The following CDH11 variants were observed in gnomAD, a reference collection of about 807,000 sequenced individuals.
The protein encoded by CDH11 is cadherin-11.
CDH11 carries 11 observed loss-of-function variants against 67.8 expected under a neutral mutation model. The ratio of observed to expected loss-of-function variants is 0.16; its 90% CI spans 0.10 to 0.27. The LOEUF is 0.27. Among genes scored for constraint, CDH11 ranks in the 10% least tolerant of loss-of-function variants. The probability of loss-of-function intolerance (pLI) is 1.00; values close to 1 mark genes in which losing one functional copy is unlikely to be tolerated. For missense variants in CDH11, 847 were observed against 1,031.2 expected, an observed-to-expected ratio of 0.82 and a Z score of 2.45; for synonymous variants, 419 against 400.0, an observed-to-expected ratio of 1.05 and a Z score of -0.57.
At chr16:65,029,126 G>A (rs1222010961) in intron 2 of CDH11, among the ~76,000 whole-genome samples, 1 of 151,868 alleles carries the variant, frequency 6.6e-6, no homozygotes, top group African/African-American at 2.4e-5. Flanking sequence ...TTTTTAAGAA[G>A]AAAAACACTT....
intron 11 of CDH11, among the ~76,000 whole-genome samples, chr16:64,959,547 G>T (rs1225643832): frequency 1.3e-5 from 2 of 152,084 alleles, no homozygotes; most frequent in Non-Finnish European, 2.9e-5. Flanking sequence ...TTATTTTTTT[G>T]TTGTTGTTGG....
At chr16:64,972,152 G>T (rs2072024613) in intron 9 of CDH11, 88 bp from the exon 10 acceptor site, 2 of 1,187,792 alleles carry the variant, frequency 1.7e-6, no homozygotes, top group Admixed American at 3.6e-5. Flanking sequence ...GTAAGCTCCA[G>T]CCACCTATCT....
At chr16:65,045,360 T>TC in intron 2 of CDH11, among the ~76,000 whole-genome samples, 1 of 126,666 alleles carries the variant, frequency 7.9e-6, no homozygotes, top group South Asian at 2.5e-4. Context: ...TATATATATA[T>TC]ATATATATAT....
At chr16:65,048,087 C>T (rs762264239) in intron 2 of CDH11, among the ~76,000 whole-genome samples, 1 of 152,186 alleles carries the variant, frequency 6.6e-6, no homozygotes, top group African/African-American at 2.4e-5. Context: ...TCCCCAGCAC[C>T]TAGTCCAAAG....
chr16:65,122,223 A>C, upstream of CDH11: 1 of 506,288 alleles, frequency 2.0e-6, no homozygotes. Flanking sequence ...AGGCAGCGAG[A>C]TGGGCCTCGC....
At chr16:64,969,541 A>G (rs759920236) in intron 11 of CDH11, among the ~76,000 whole-genome samples, 1 of 152,228 alleles carries the variant, frequency 6.6e-6, no homozygotes, top group Non-Finnish European at 1.5e-5. Flanking sequence ...TATTGTTAAA[A>G]CTAAATCCAT....
intron 1 of CDH11, among the ~76,000 whole-genome samples, chr16:65,103,650 C>A (rs77842180): frequency 2.6e-5 from 4 of 152,258 alleles, no homozygotes; most frequent in African/African-American, 9.6e-5. Flanking sequence ...TTTTTAAAAA[C>A]TGTGTATAAA....
At chr16:64,948,655 A>G in intron 12 of CDH11, 3 of 1,611,708 alleles carry the variant, frequency 1.9e-6, no homozygotes, top group Non-Finnish European at 2.5e-6. Context: ...GAGGAAAGGA[A>G]GTTTTATAAA....
chr16:64,985,034 TTC>T (rs2072450971), intron 7 of CDH11: 1 of 152,192 alleles, frequency 6.6e-6, no homozygotes, highest in Admixed American at 6.5e-5. Context: ...GTGCGGTGAT[TTC>T]TCTGAGATAG....
chr16:65,085,827 T>C lies in CDH11; in HGVS notation c.-297-31899A>G, dbSNP rs557489656. Among the ~76,000 whole-genome samples, 84 of 152,348 alleles carry C rather than the reference T, an allele frequency of 5.5e-4. 3 individuals carry two copies. In the South Asian group the frequency reaches 0.016, roughly 29 times the overall value. ...CAGCAAAGCACTTTCATTCATTGCC[T>C]CATGCAATGCTCAAAATTGCCATGT... is the stretch of plus-strand genomic sequence containing the variant. On this transcript the variant is annotated intron_variant, in intron 1 of 12. Coordinates refer to ENST00000268603, the MANE Select transcript of CDH11 (RefSeq NM_001797.4).
At chr16:64,996,499 A>AAT (rs2072769482) in intron 4 of CDH11, among the ~76,000 whole-genome samples, 2 of 151,748 alleles carry the variant, frequency 1.3e-5, no homozygotes, top group Admixed American at 1.3e-4. Context: ...CAGAAAAAAA[A>AAT]AAAAAAAAGT....
chr16:65,020,980 A>AT lies in CDH11; in HGVS notation c.-172-15940dup, dbSNP rs200624560. Reference sequence around the variant, plus strand: ...AAAACACCAAAAAATCAAGAATTCCATTTTTTTTTTTTACCAAATCCTGGA... The same window carrying AT: ...AAAACACCAAAAAATCAAGAATTCCATTTTTTTTTTTTTACCAAATCCTGGA... On this transcript the variant is annotated intron_variant, in intron 2 of 12. Coordinates refer to ENST00000268603, the MANE Select transcript of CDH11 (RefSeq NM_001797.4). 9.0e-3 allele frequency among the ~76,000 whole-genome samples: 1,308 copies of AT among 144,924 alleles called. 5 individuals are homozygous for AT. The highest frequency in any genetic ancestry group is 0.013 in the Admixed American group (187 of 14,450).
At position 64,979,920 on chromosome 16, in the gene CDH11, T is replaced by C. The variant is rs187910318; in HGVS notation, c.1253+2128A>G. Among the ~76,000 whole-genome samples the C allele has an allele frequency of 2.4e-4, 36 of 152,334 alleles. No homozygotes were observed. The East Asian group carries it at 6.8e-3, about 29-fold the overall frequency. On this transcript the variant is annotated intron_variant, in intron 8 of 12. Transcript: ENST00000268603. ...TGAATTAGTGATGCACTCTGCAACA[T>C]GTATGAACCTCAAAATCATTATGCT...
At chr16:64,992,364 A>G (rs1302111874) in intron 5 of CDH11, among the ~76,000 whole-genome samples, 1 of 152,236 alleles carries the variant, frequency 6.6e-6, no homozygotes, top group African/African-American at 2.4e-5. Context: ...TGCATATTTC[A>G]TGCAATACAT....
intron 2 of CDH11, among the ~76,000 whole-genome samples, chr16:65,013,588 G>T (rs2860056): frequency 0.36 from 54,103 of 151,900 alleles, 9,948 homozygotes; most frequent in South Asian, 0.5. Flanking sequence ...ACTTTGGAAG[G>T]CTGAGGTGGG....
chr16:65,073,593 A>C (rs1265472181), intron 1 of CDH11, among the ~76,000 whole-genome samples: 1 of 151,942 alleles, frequency 6.6e-6, no homozygotes, highest in East Asian at 1.9e-4. Context: ...CTTCCTTTTT[A>C]ATATATTGCT....
chr16:65,067,830 G>T (rs1488956605), intron 1 of CDH11, among the ~76,000 whole-genome samples: 1 of 136,092 alleles, frequency 7.3e-6, no homozygotes, highest in African/African-American at 2.8e-5. Context: ...GAGAGAGAAA[G>T]GAACAGAGGG....
intron 2 of CDH11, among the ~76,000 whole-genome samples, chr16:65,045,329 G>GTGTATA (rs71376755): frequency 1.1e-4 from 7 of 63,286 alleles, no homozygotes; most frequent in African/African-American, 3.8e-4. Context: ...TCCCTCAAAA[G>GTGTATA]TATATATATA....
chr16:65,014,070 A>C (rs944687881), intron 2 of CDH11, among the ~76,000 whole-genome samples: 14 of 152,348 alleles, frequency 9.2e-5, no homozygotes, highest in African/African-American at 3.1e-4. Flanking sequence ...TTCAACAAGA[A>C]TGCGTAAATA....
Sources: gnomAD v4.1 joint callset for allele counts (sites outside exome capture counted in the v4.1 genomes callset) on GRCh38, gnomAD v4.1.1 for gene constraint, MANE v1.5 for transcripts, NCBI Gene and HGNC (gene_info 2026-07-23, HGNC 2026-07-21) for gene names.